DHRSX: variants seen among roughly 807,000 people sequenced by gnomAD.
DHRSX encodes polyprenol dehydrogenase.
In DHRSX, 31 loss-of-function variants were observed where a neutral mutation model predicts 34.0. The ratio of observed to expected loss-of-function variants is 0.91; its 90% CI spans 0.69 to 1.23. The LOEUF (loss-of-function observed/expected upper bound fraction) is 1.23. Among genes scored for constraint, DHRSX ranks in the 50% most tolerant of loss-of-function variants. DHRSX has a pLI of 0.00. For missense variants in DHRSX, 414 were observed against 428.1 expected (o/e 0.97, Z 0.29); for synonymous variants, 201 against 183.8 (o/e 1.09, Z -0.76).
intron 3 of DHRSX, among the ~76,000 whole-genome samples, chrX:2,397,681 T>G (rs745711497): frequency 6.6e-6 from 1 of 152,150 alleles, no homozygotes; most frequent in Admixed American, 6.5e-5. Context: ...TCTTATCTGT[T>G]AAATAGCGCG....
At chrX:2,406,697 T>C (rs1373807462) in intron 3 of DHRSX, among the ~76,000 whole-genome samples, 1 of 152,124 alleles carries the variant, frequency 6.6e-6, no homozygotes, top group Non-Finnish European at 1.5e-5. Flanking sequence ...CGCCTCGGCC[T>C]CCCAAAGTGC....
intron 5 of DHRSX, 72 bp downstream of exon 5, chrX:2,266,668 A>G: frequency 1.4e-6 from 2 of 1,463,782 alleles, no homozygotes; most frequent in Non-Finnish European, 1.9e-6. Context: ...GCCACACCGC[A>G]CAGACAGAGG....
chrX:2,467,606 G>A (rs376301002), intron 1 of DHRSX, among the ~76,000 whole-genome samples: 1 of 146,790 alleles, frequency 6.8e-6, no homozygotes, highest in South Asian at 2.2e-4. Context: ...AAGTCCAGAG[G>A]ACATGGAAGG....
chrX:2,392,072 G>A (rs1399952970), intron 3 of DHRSX, among the ~76,000 whole-genome samples: 6 of 152,162 alleles, frequency 3.9e-5, no homozygotes, highest in Admixed American at 1.3e-4. Context: ...GAGGGAAAAC[G>A]CTGTCGTTCA....
Position 2,302,582 on chromosome X carries a change from A to C in DHRSX, c.287-10979T>G, listed in dbSNP as rs1229309427. ...AGCTGAGATCGCACCACTGCACTCC[A>C]GCCTGGGTGACAGAGCCAGACTGTC... On this transcript the variant is annotated intron_variant, in intron 3 of 6. Coordinates refer to ENST00000334651, the MANE Select transcript of DHRSX (RefSeq NM_145177.3). Among the ~76,000 whole-genome samples, 4 of 151,944 alleles carry C rather than the reference A, an allele frequency of 2.6e-5. No individual in the cohort carries two copies. The East Asian group carries it at 7.7e-4, about 29-fold the overall frequency.
intron 5 of DHRSX, among the ~76,000 whole-genome samples, chrX:2,246,484 G>T (rs1476076660): frequency 2.6e-5 from 4 of 151,764 alleles, no homozygotes; most frequent in Admixed American, 1.3e-4. Context: ...TTAGCTGGAC[G>T]TGCTGGCGGG....
chrX:2,384,703 A>G (rs888590498), intron 3 of DHRSX, among the ~76,000 whole-genome samples: 1 of 144,126 alleles, frequency 6.9e-6, no homozygotes, highest in Non-Finnish European at 1.5e-5. Context: ...TGTATTTAAA[A>G]TTGAACAATG....
intron 6 of DHRSX, among the ~76,000 whole-genome samples, chrX:2,235,659 C>T (rs2015994998): frequency 7.0e-6 from 1 of 143,254 alleles, no homozygotes; most frequent in Admixed American, 7.2e-5. Flanking sequence ...AGGAGAATGG[C>T]TTGAACCCGG....
At chrX:2,319,612 AT>A (rs2042283276) in intron 3 of DHRSX, among the ~76,000 whole-genome samples, 1 of 149,678 alleles carries the variant, frequency 6.7e-6, no homozygotes, top group Admixed American at 6.7e-5. Flanking sequence ...GTAGTAAAAT[AT>A]TTTCTCTTCT....
intron 3 of DHRSX, among the ~76,000 whole-genome samples, chrX:2,384,796 A>ACTCC (rs2043250754): frequency 1.3e-5 from 2 of 150,574 alleles, no homozygotes; most frequent in African/African-American, 4.9e-5. Context: ...GCATTGGGAG[A>ACTCC]TATACCTAAT....
intron 1 of DHRSX, among the ~76,000 whole-genome samples, chrX:2,432,983 G>C (rs1245759142): frequency 6.6e-6 from 1 of 151,958 alleles, no homozygotes; most frequent in Non-Finnish European, 1.5e-5. Context: ...AATTAACCGG[G>C]TGTGGCGGTG....
chrX:2,432,061 T>C (rs1456241833), intron 1 of DHRSX, among the ~76,000 whole-genome samples: 1 of 151,898 alleles, frequency 6.6e-6, no homozygotes, highest in South Asian at 2.1e-4. Context: ...CGTGGTGGTG[T>C]GTGCCACCTG....
rs767319246 is a variant in DHRSX at position 2,381,797 on chromosome X, CAAAAA to C, written c.286+26943_286+26947del. Reference sequence around the variant, plus strand: ...ATCCCCGTTCTCAGGAAGCCACAACCAAAAAAAAAAAAAAAAAAAAAAAGCCAGCA... The same window carrying C: ...ATCCCCGTTCTCAGGAAGCCACAACCAAAAAAAAAAAAAAAAAAGCCAGCA... On this transcript the variant is annotated intron_variant, in intron 3 of 6. Coordinates refer to ENST00000334651, the MANE Select transcript of DHRSX (RefSeq NM_145177.3). 6.4e-4 allele frequency among the ~76,000 whole-genome samples: 52 copies of C among 81,614 alleles called. 1 individual carries two copies. Among genetic ancestry groups the C allele is most frequent in the South Asian group, 2.3e-3 (4 of 1,734 alleles). The allele number at this position is 81,614 out of a possible 152,430, so 53.5% of individuals were successfully genotyped here.
At chrX:2,397,501 C>T (rs1193034139) in intron 3 of DHRSX, among the ~76,000 whole-genome samples, 1 of 152,022 alleles carries the variant, frequency 6.6e-6, no homozygotes, top group Non-Finnish European at 1.5e-5. Flanking sequence ...CACGTGCCGC[C>T]TGTGCTCTGG....
intron 5 of DHRSX, among the ~76,000 whole-genome samples, chrX:2,243,790 T>TA (rs1660312546): frequency 9.2e-4 from 24 of 26,080 alleles, no homozygotes; most frequent in African/African-American, 6.1e-3. Context: ...TGCTCCCTGT[T>TA]TTTTTTTTTT....
At chrX:2,482,803 G>A (rs1465128693) in intron 1 of DHRSX, among the ~76,000 whole-genome samples, 4 of 152,032 alleles carry the variant, frequency 2.6e-5, no homozygotes, top group Non-Finnish European at 5.9e-5. Context: ...CGGTGACCTC[G>A]AACACCCCAG....
chrX:2,395,294 G>C (rs1164117541), intron 3 of DHRSX, among the ~76,000 whole-genome samples: 1 of 152,140 alleles, frequency 6.6e-6, no homozygotes, highest in Non-Finnish European at 1.5e-5. Context: ...GAAGCAGGAG[G>C]GTGTCACAGA....
At chrX:2,391,866 G>C (rs2043339027) in intron 3 of DHRSX, among the ~76,000 whole-genome samples, 1 of 152,078 alleles carries the variant, frequency 6.6e-6, no homozygotes, top group Non-Finnish European at 1.5e-5. Flanking sequence ...GGTGAAGGTT[G>C]CAGTGGGCCA....
intron 5 of DHRSX, 38 bp from the exon 6 acceptor site, chrX:2,243,268 G>A (rs2016185684): frequency 6.3e-7 from 1 of 1,581,930 alleles, no homozygotes; most frequent in African/African-American, 1.3e-5. Flanking sequence ...GAGGCTGACG[G>A]CGTTCACGCC....
Sources: gnomAD v4.1 joint callset for allele counts (sites outside exome capture counted in the v4.1 genomes callset) on GRCh38, gnomAD v4.1.1 for gene constraint, MANE v1.5 for transcripts, NCBI Gene and HGNC (gene_info 2026-07-23, HGNC 2026-07-21) for gene names.